Variants in LGSN observed in about 807,000 individuals in gnomAD.
LGSN encodes the protein lengsin, lens protein with glutamine synthetase domain.
A neutral mutation model predicts 19.5 loss-of-function variants in LGSN; 21 were observed. That is an observed-to-expected ratio of 1.07 (90% CI 0.76 to 1.55). The LOEUF (loss-of-function observed/expected upper bound fraction) is 1.55. Among genes scored for constraint, LGSN ranks in the 40% most tolerant of loss-of-function variants. The pLI, the probability that LGSN is intolerant of heterozygous loss-of-function variation, is 0.00. For missense variants in LGSN, 673 were observed against 608.5 expected (o/e 1.11, Z -1.12); for synonymous variants, 257 against 215.6 (o/e 1.19, Z -1.68).
chr6:63,486,909 C>T, the LGSN span, among the ~76,000 whole-genome samples: 1 of 151,640 alleles, frequency 6.6e-6, no homozygotes, highest in Non-Finnish European at 1.5e-5. Flanking sequence ...AATCTTAGCT[C>T]ACTGTAACCT....
At chr6:63,510,452 CTTTTT>C in the LGSN span, among the ~76,000 whole-genome samples, 1 of 124,280 alleles carries the variant, frequency 8.0e-6, no homozygotes, top group Non-Finnish European at 1.7e-5. Flanking sequence ...GACTACCTTT[CTTTTT>C]TTTTTTTTTT....
At chr6:63,477,423 T>C in the LGSN span, among the ~76,000 whole-genome samples, 1 of 152,098 alleles carries the variant, frequency 6.6e-6, no homozygotes, top group South Asian at 2.1e-4. Flanking sequence ...TTCTTATATT[T>C]CCCAAAATGA....
chr6:63,507,167 C>T, the LGSN span, among the ~76,000 whole-genome samples: 1 of 152,144 alleles, frequency 6.6e-6, no homozygotes, highest in Non-Finnish European at 1.5e-5. Context: ...CACAACTGTC[C>T]CTCCGTCCTT....
At chr6:63,420,386 G>C in the LGSN span, among the ~76,000 whole-genome samples, 1 of 152,178 alleles carries the variant, frequency 6.6e-6, no homozygotes, top group African/African-American at 2.4e-5. Flanking sequence ...AACAGCCAGA[G>C]GAGTCAGCAC....
chr6:63,335,025 C>T, the LGSN span, among the ~76,000 whole-genome samples: 1 of 151,578 alleles, frequency 6.6e-6, no homozygotes, highest in Admixed American at 6.6e-5. Context: ...TGCCTGTAAT[C>T]CCAGATATTC....
chr6:63,515,084 C>A, the LGSN span, among the ~76,000 whole-genome samples: 3 of 152,146 alleles, frequency 2.0e-5, no homozygotes, highest in South Asian at 4.1e-4. Context: ...CTTACTGCAA[C>A]CTTGAACTCC....
At chr6:63,300,630 T>C (rs1048442191) in intron 1 of LGSN, among the ~76,000 whole-genome samples, 14 of 152,038 alleles carry the variant, frequency 9.2e-5, no homozygotes, top group Non-Finnish European at 1.9e-4. Flanking sequence ...CATGCCACTG[T>C]ACTCCAATCT....
chr6:63,446,561 A>G, the LGSN span, among the ~76,000 whole-genome samples: 30 of 152,362 alleles, frequency 2.0e-4, no homozygotes, highest in African/African-American at 7.0e-4. Context: ...ACGAGCACAT[A>G]GTATGCACCC....
chr6:63,346,677 C>T, the LGSN span, among the ~76,000 whole-genome samples: 3 of 152,094 alleles, frequency 2.0e-5, no homozygotes, highest in Non-Finnish European at 2.9e-5. Context: ...TTGCAGTTGG[C>T]CTCTGAAGTG....
chr6:63,426,378 T>G, the LGSN span, among the ~76,000 whole-genome samples: 12 of 152,212 alleles, frequency 7.9e-5, no homozygotes, highest in African/African-American at 2.9e-4. Flanking sequence ...ATATTAGAAC[T>G]ATGCAACCCT....
the LGSN span, among the ~76,000 whole-genome samples, chr6:63,455,949 G>C: frequency 6.7e-6 from 1 of 149,512 alleles, no homozygotes; most frequent in Non-Finnish European, 1.5e-5. Flanking sequence ...AAAAACAAGA[G>C]CCAGGTGCAG....
At chr6:63,328,534 C>T in the LGSN span, among the ~76,000 whole-genome samples, 2 of 152,176 alleles carry the variant, frequency 1.3e-5, no homozygotes, top group African/African-American at 2.4e-5. Flanking sequence ...TTTTGATAGC[C>T]TCTGACACTA....
chr6:63,501,610 T>C, the LGSN span, among the ~76,000 whole-genome samples: 4 of 151,854 alleles, frequency 2.6e-5, no homozygotes, highest in Admixed American at 2.6e-4. Flanking sequence ...GCGCTTGTTG[T>C]TTAAGTAATT....
the LGSN span, among the ~76,000 whole-genome samples, chr6:63,401,111 T>A: frequency 9.5e-4 from 144 of 152,326 alleles, 2 homozygotes; most frequent in African/African-American, 3.2e-3. Context: ...TATACCTATG[T>A]CCTTCTTATG....
the LGSN span, among the ~76,000 whole-genome samples, chr6:63,554,415 G>A: frequency 3.3e-5 from 5 of 152,084 alleles, no homozygotes; most frequent in African/African-American, 1.2e-4. Flanking sequence ...TGTTTCAAGG[G>A]CTTTACCTCC....
At chr6:63,353,857 A>AT in the LGSN span, among the ~76,000 whole-genome samples, 113 of 152,064 alleles carry the variant, frequency 7.4e-4, 1 homozygote, top group African/African-American at 2.6e-3. Context: ...AAGGCAACTG[A>AT]TTTTTTTTAT....
chr6:63,566,056 C>A, the LGSN span, among the ~76,000 whole-genome samples: 3 of 152,226 alleles, frequency 2.0e-5, no homozygotes, highest in African/African-American at 4.8e-5. Context: ...ACATTGTTGT[C>A]TGTTAAATGT....
the LGSN span, among the ~76,000 whole-genome samples, chr6:63,325,933 G>T: frequency 2.6e-5 from 4 of 152,170 alleles, no homozygotes; most frequent in Non-Finnish European, 4.4e-5. Context: ...TGGGCAGCCT[G>T]CTTTTATTCT....
chr6:63,561,831 A>C, the LGSN span, among the ~76,000 whole-genome samples: 1 of 152,232 alleles, frequency 6.6e-6, no homozygotes, highest in Non-Finnish European at 1.5e-5. Flanking sequence ...AGAACATGGA[A>C]TCAGAACGAA....
Sources: allele counts gnomAD v4.1 joint callset (sites outside exome capture counted in the v4.1 genomes callset), GRCh38; gene constraint gnomAD v4.1.1; transcripts MANE v1.5; gene names NCBI Gene and HGNC (gene_info 2026-07-23, HGNC 2026-07-21).